Variants in TJP1 observed in about 807,000 individuals in gnomAD.
TJP1 encodes the protein tight junction protein ZO-1.
TJP1 carries 43 observed loss-of-function variants against 194.2 expected under a neutral mutation model. The observed-to-expected ratio is 0.22, with a 90% confidence interval of 0.17 to 0.29. The LOEUF is 0.29. TJP1 is among the 10% of genes least tolerant of loss of function. The pLI is 1.00. For missense variants in TJP1, 1,971 were observed against 2,185.7 expected (o/e 0.90, Z 1.96); for synonymous variants, 801 against 779.0 (o/e 1.03, Z -0.47).
chr15:29,968,190 C>T, intron 1 of TJP1: 1 of 985,450 alleles, frequency 1.0e-6, no homozygotes, highest in Non-Finnish European at 1.2e-6. Context: ...CAACTTATTC[C>T]CCTTGCCTTG....
At chr15:29,751,446 T>G (rs928235767) in intron 8 of TJP1, among the ~76,000 whole-genome samples, 7 of 152,244 alleles carry the variant, frequency 4.6e-5, no homozygotes, top group African/African-American at 1.4e-4. Flanking sequence ...TCTGTACAAG[T>G]GCTTCTCATC....
Position 29,719,886 on chromosome 15 carries a change from G to A in TJP1, c.2894C>T (p.Thr965Ile), listed in dbSNP as rs375351495. The change falls in exon 20 of 28, where the codon ACC becomes ATC. Residue 965 changes from threonine (T) to isoleucine (I), a missense_variant. Thr to Ile is a moderately conservative substitution (Grantham distance 89, BLOSUM62 -1). Transcript: ENST00000614355. ...AGAATCAGCTTGTGGTGAGTAAGAG[G>A]TGGAAGGAGCTGGGGTGGGCTCCTC... ...RLEEPTPAPS[T>I]SYSPQADSLR... 1 of 1,614,080 alleles carries A rather than the reference G, an allele frequency of 6.2e-7. No homozygotes were observed. Among genetic ancestry groups the A allele is most frequent in the Non-Finnish European group, 8.5e-7 (1 of 1,180,048 alleles).
intron 16 of TJP1, 141 bp downstream of exon 16, chr15:29,727,796 C>T (rs2043335580): frequency 3.1e-6 from 2 of 640,018 alleles, no homozygotes; most frequent in Non-Finnish European, 5.4e-6. Flanking sequence ...CATTATAATG[C>T]TTTTCAGTAA....
intron 26 of TJP1, 35 bp downstream of exon 26, chr15:29,705,492 GT>G (rs2041835689): frequency 6.2e-7 from 1 of 1,604,400 alleles, no homozygotes; most frequent in Non-Finnish European, 8.5e-7. Flanking sequence ...CAACTCTTAA[GT>G]TATCAAAACT....
At chr15:29,710,731 G>A (rs374054698) in intron 24 of TJP1, 100 bp downstream of exon 24, 10 of 1,452,314 alleles carry the variant, frequency 6.9e-6, no homozygotes, top group Non-Finnish European at 8.6e-6. Context: ...AAGGTTTCAA[G>A]CATGTATTTT....
At chr15:29,886,953 G>C (rs2053134130) in intron 2 of TJP1, among the ~76,000 whole-genome samples, 1 of 151,906 alleles carries the variant, frequency 6.6e-6, no homozygotes, top group Non-Finnish European at 1.5e-5. Context: ...AAATTTTGCA[G>C]AAGAGTCCTG....
intron 8 of TJP1, among the ~76,000 whole-genome samples, chr15:29,749,846 T>C (rs955830329): frequency 6.6e-6 from 1 of 152,126 alleles, no homozygotes; most frequent in Admixed American, 6.6e-5. Flanking sequence ...TGTGGTTCTT[T>C]TGTGCTTTGT....
chr15:29,751,670 T>C (rs1305074447), intron 8 of TJP1, among the ~76,000 whole-genome samples: 1 of 152,148 alleles, frequency 6.6e-6, no homozygotes, highest in Admixed American at 6.5e-5. Context: ...ATGACTAACA[T>C]AGCACTTTGT....
chr15:29,847,674 G>A (rs1291865778), intron 2 of TJP1, among the ~76,000 whole-genome samples: 1 of 151,998 alleles, frequency 6.6e-6, no homozygotes, highest in Non-Finnish European at 1.5e-5. Flanking sequence ...AGTCCCAGCT[G>A]CTCGGGAGGC....
At chr15:29,966,295 G>C (rs570546752) in intron 1 of TJP1, among the ~76,000 whole-genome samples, 2 of 152,206 alleles carry the variant, frequency 1.3e-5, no homozygotes, top group South Asian at 4.2e-4. Context: ...CTAACGTCAG[G>C]AGTTTGAGAC....
intron 2 of TJP1, among the ~76,000 whole-genome samples, chr15:29,880,564 A>ATATGCACTC (rs1275222073): frequency 8.5e-5 from 13 of 152,300 alleles, no homozygotes; most frequent in Admixed American, 7.2e-4. Context: ...TGCATATCTG[A>ATATGCACTC]AACTTTCATA....
At chr15:29,833,881 A>ATATTTTTTT (rs1555434000) in intron 2 of TJP1, among the ~76,000 whole-genome samples, 1 of 12,618 alleles carries the variant, frequency 7.9e-5, no homozygotes, top group Non-Finnish European at 1.4e-4. Context: ...ATATATATAT[A>ATATTTTTTT]TTTTTTTTTT....
chr15:29,951,398 C>T (rs970666842), intron 2 of TJP1, among the ~76,000 whole-genome samples: 1 of 152,194 alleles, frequency 6.6e-6, no homozygotes, highest in African/African-American at 2.4e-5. Flanking sequence ...GAACTCCTGA[C>T]CTCAGAAGAT....
intron 9 of TJP1, among the ~76,000 whole-genome samples, chr15:29,741,760 T>A (rs977022729): frequency 2.0e-5 from 3 of 152,180 alleles, no homozygotes; most frequent in African/African-American, 7.2e-5. Context: ...CCTTTCCTCA[T>A]TATGATAAAA....
At chr15:29,799,407 G>GA (rs911925260) in intron 2 of TJP1, among the ~76,000 whole-genome samples, 3 of 150,082 alleles carry the variant, frequency 2.0e-5, no homozygotes, top group South Asian at 2.1e-4. Flanking sequence ...TATCTTATCA[G>GA]AAAAAAAAAT....
At chr15:29,903,152 G>A (rs555495770) in intron 2 of TJP1, among the ~76,000 whole-genome samples, 7 of 152,122 alleles carry the variant, frequency 4.6e-5, no homozygotes, top group African/African-American at 1.4e-4. Flanking sequence ...TACACTTGGC[G>A]GCTTCTGGCT....
intron 8 of TJP1, among the ~76,000 whole-genome samples, chr15:29,747,495 A>G (rs2151399819): frequency 6.6e-6 from 1 of 152,250 alleles, no homozygotes; most frequent in South Asian, 2.1e-4. Flanking sequence ...AATATATTAT[A>G]AATACAAAAT....
intron 25 of TJP1, among the ~76,000 whole-genome samples, chr15:29,706,496 T>C (rs2041908416): frequency 1.3e-5 from 2 of 152,082 alleles, no homozygotes; most frequent in South Asian, 4.1e-4. Flanking sequence ...ATTTTGGCAA[T>C]ATTCCAAAAT....
intron 2 of TJP1, among the ~76,000 whole-genome samples, chr15:29,828,530 G>A (rs1380446947): frequency 6.6e-6 from 1 of 151,920 alleles, no homozygotes; most frequent in African/African-American, 2.4e-5. Context: ...CTGCCAAATT[G>A]CCGTCTAAGA....
Sources: gnomAD v4.1 joint callset for allele counts (sites outside exome capture counted in the v4.1 genomes callset) on GRCh38, gnomAD v4.1.1 for gene constraint, MANE v1.5 for transcripts, NCBI Gene and HGNC (gene_info 2026-07-23, HGNC 2026-07-21) for gene names.